FAM13A: variants seen among roughly 807,000 people sequenced by gnomAD.
The protein encoded by FAM13A is protein FAM13A.
FAM13A carries 76 observed loss-of-function variants against 129.6 expected under a neutral mutation model. The observed-to-expected ratio is 0.59, with a 90% CI of 0.49 to 0.71. FAM13A has a LOEUF of 0.71. Ranked by LOEUF, FAM13A falls within the 30% of genes least tolerant of loss-of-function variation. The pLI is 0.00. For missense variants in FAM13A, 1,108 were observed against 1,249.3 expected, an observed-to-expected ratio of 0.89 and a Z score of 1.70; for synonymous variants, 443 against 449.9, an observed-to-expected ratio of 0.98 and a Z score of 0.20.
At chr4:88,949,512 A>T (rs760308029) in intron 4 of FAM13A, among the ~76,000 whole-genome samples, 13 of 152,222 alleles carry the variant, frequency 8.5e-5, no homozygotes, top group Non-Finnish European at 1.9e-4. Context: ...CCATTTTAAA[A>T]GATGCAAAAG....
chr4:88,775,995 C>T (rs1721632267), intron 11 of FAM13A, among the ~76,000 whole-genome samples: 1 of 152,158 alleles, frequency 6.6e-6, no homozygotes, highest in Admixed American at 6.5e-5. Flanking sequence ...GATTACAAGA[C>T]CTATTCTCCT....
chr4:88,809,684 C>T (rs945028618), intron 7 of FAM13A, among the ~76,000 whole-genome samples: 9 of 152,136 alleles, frequency 5.9e-5, no homozygotes, highest in South Asian at 4.2e-4. Flanking sequence ...ATTTTCCTTT[C>T]CTTCCTTGTT....
intron 2 of FAM13A, among the ~76,000 whole-genome samples, chr4:89,026,856 G>GT (rs1001566826): frequency 5.3e-5 from 8 of 152,152 alleles, no homozygotes; most frequent in African/African-American, 1.9e-4. Context: ...GCAGATAGAT[G>GT]TTTTTTCAAT....
chr4:89,022,582 T>C (rs1560838834), intron 2 of FAM13A, among the ~76,000 whole-genome samples: 1 of 152,184 alleles, frequency 6.6e-6, no homozygotes, highest in African/African-American at 2.4e-5. Flanking sequence ...TCTAAAATAG[T>C]TCCCATGATC....
At chr4:88,826,330 AAC>A (rs1732987295) in intron 7 of FAM13A, among the ~76,000 whole-genome samples, 1 of 137,934 alleles carries the variant, frequency 7.2e-6, no homozygotes, top group African/African-American at 2.9e-5. Flanking sequence ...AAAAAAAAAA[AAC>A]CATTCCTGAC....
chr4:89,049,551 A>G (rs1771282129), intron 1 of FAM13A, among the ~76,000 whole-genome samples: 1 of 152,252 alleles, frequency 6.6e-6, no homozygotes, highest in Non-Finnish European at 1.5e-5. Flanking sequence ...AGGCAACTTT[A>G]TATCAAAATT....
intron 2 of FAM13A, among the ~76,000 whole-genome samples, chr4:89,023,206 G>T (rs1767506155): frequency 6.6e-6 from 1 of 152,102 alleles, no homozygotes; most frequent in South Asian, 2.1e-4. Context: ...AGCTTTCAAG[G>T]TCTGTCTCCT....
intron 13 of FAM13A, chr4:88,759,175 C>T (rs1205589013): frequency 5.7e-6 from 2 of 351,780 alleles, no homozygotes; most frequent in Non-Finnish European, 1.1e-5. Flanking sequence ...CTGATTGGGG[C>T]CAGGAATGAG....
chr4:88,740,091 T>C (rs1385991655), intron 19 of FAM13A, among the ~76,000 whole-genome samples: 1 of 152,142 alleles, frequency 6.6e-6, no homozygotes, highest in Non-Finnish European at 1.5e-5. Flanking sequence ...GCTTCAGAAA[T>C]AAAGTAGGTT....
chr4:88,888,880 G>A (rs554783690), intron 6 of FAM13A, among the ~76,000 whole-genome samples: 1 of 150,218 alleles, frequency 6.7e-6, no homozygotes, highest in South Asian at 2.1e-4. Context: ...AGCTTGCAGT[G>A]AGCCGAGATT....
At chr4:88,916,990 C>T (rs1042203724) in intron 5 of FAM13A, among the ~76,000 whole-genome samples, 2 of 152,114 alleles carry the variant, frequency 1.3e-5, no homozygotes, top group African/African-American at 4.8e-5. Flanking sequence ...AATAGGCATT[C>T]AATAAATGGT....
chr4:89,029,739 T>TG (rs1768443315), intron 1 of FAM13A, 90 bp from the exon 2 acceptor site: 1 of 1,076,000 alleles, frequency 9.3e-7, no homozygotes. Context: ...TTAAAATGTG[T>TG]TTGAAGATGA....
At chr4:89,006,469 G>A (rs1048076977) in intron 3 of FAM13A, among the ~76,000 whole-genome samples, 3 of 152,170 alleles carry the variant, frequency 2.0e-5, no homozygotes, top group Non-Finnish European at 2.9e-5. Context: ...ACAGGGGTGT[G>A]GCTTGCTTAC....
intron 5 of FAM13A, among the ~76,000 whole-genome samples, chr4:88,928,801 A>G (rs1752602908): frequency 6.6e-6 from 1 of 152,154 alleles, no homozygotes; most frequent in African/African-American, 2.4e-5. Flanking sequence ...ATCCATTTAC[A>G]TTCAAGGTTA....
rs773377718 is a variant in FAM13A at position 89,056,940 on chromosome 4, A to G, written c.25T>C (p.Cys9Arg). The stretch of plus-strand genomic sequence containing the variant: ...GACAGAAGAAGGCCTATACTTACAC[A>G]GATGGCTAGAGCTCCTGCCCCCATT... MGAGALAI[C>R]QSKAAVRLKE... The change falls in exon 1 of 24, where the codon TGT becomes CGT. Residue 9 changes from cysteine to arginine, a missense_variant and splice_region_variant. This residue lies in a region of FAM13A where 566 missense variants were observed against 595.7 expected (regional missense o/e 0.95). Coordinates refer to ENST00000264344, the MANE Select transcript of FAM13A (RefSeq NM_014883.4). 6.2e-7 allele frequency: 1 copy of G among 1,612,832 alleles called. No homozygotes were observed. The highest frequency in any genetic ancestry group is 8.5e-7 in the Non-Finnish European group (1 of 1,179,372).
chr4:88,866,956 G>A (rs1344409483), intron 6 of FAM13A, among the ~76,000 whole-genome samples: 1 of 152,066 alleles, frequency 6.6e-6, no homozygotes, highest in Admixed American at 6.6e-5. Context: ...CATACATGTG[G>A]CATAGTCATA....
chr4:88,984,341 G>A (rs1308492831), intron 4 of FAM13A, among the ~76,000 whole-genome samples: 1 of 151,960 alleles, frequency 6.6e-6, no homozygotes, highest in Non-Finnish European at 1.5e-5. Flanking sequence ...ACATGATCAA[G>A]AAAATGAAAA....
chr4:88,998,950 A>G (rs1301508101), intron 3 of FAM13A, among the ~76,000 whole-genome samples: 2 of 152,222 alleles, frequency 1.3e-5, no homozygotes, highest in African/African-American at 4.8e-5. Context: ...CTCAAAGGGC[A>G]GACTGATAAA....
rs1760506018 is a variant in FAM13A, at chr4:88,973,856, A to G, written c.605+17117T>C. 1.3e-5 allele frequency among the ~76,000 whole-genome samples: 2 copies of G among 152,102 alleles called. 1 individual carries two copies. Among genetic ancestry groups the G allele is most frequent in the South Asian group, 4.1e-4 (2 of 4,822 alleles). On this transcript the variant is annotated intron_variant, in intron 4 of 23. Transcript: ENST00000264344. ...TAGTGAGCCTGTGCCCCTCAACTGT[A>G]AACTTCACAAGTGATTCTCAGTTTT...
Sources: allele counts gnomAD v4.1 joint callset (sites outside exome capture counted in the v4.1 genomes callset), GRCh38; gene constraint gnomAD v4.1.1; regional missense constraint gnomAD v4.1.1; transcripts MANE v1.5; gene names NCBI Gene and HGNC (gene_info 2026-07-23, HGNC 2026-07-21).